The following PTPRR variants were observed in gnomAD, a reference collection of about 807,000 sequenced individuals.
PTPRR encodes the protein protein tyrosine phosphatase receptor type R.
Under a neutral mutation model 77.2 loss-of-function variants are expected in PTPRR, and 38 were observed. The observed-to-expected ratio is 0.49, with a 90% CI of 0.38 to 0.65. The LOEUF (loss-of-function observed/expected upper bound fraction) is 0.65, where lower values mean the gene tolerates loss of function less well. Among genes scored for constraint, PTPRR ranks in the 30% least tolerant of loss-of-function variants. The pLI, the probability that PTPRR is intolerant of heterozygous loss-of-function variation, is 0.00. For missense variants in PTPRR, 744 were observed against 799.2 expected, an observed-to-expected ratio of 0.93 and a Z score of 0.83; for synonymous variants, 299 against 283.1, an observed-to-expected ratio of 1.06 and a Z score of -0.57.
At chr12:70,884,148 TA>T (rs67282351) in intron 2 of PTPRR, among the ~76,000 whole-genome samples, 3 of 152,114 alleles carry the variant, frequency 2.0e-5, no homozygotes, top group Admixed American at 6.5e-5. Context: ...GTATTTTTCC[TA>T]AAAAAAGAGA....
At chr12:70,915,422 G>T (rs1043733238) in intron 1 of PTPRR, among the ~76,000 whole-genome samples, 1 of 152,160 alleles carries the variant, frequency 6.6e-6, no homozygotes, top group Admixed American at 6.5e-5. Context: ...GGAGGTGCTA[G>T]AAATATGTCA....
rs73328175 is a variant in PTPRR, at chr12:70,641,817, C to T, written c.1881-2540G>A. 4.5e-3 allele frequency among the ~76,000 whole-genome samples: 690 copies of T among 152,236 alleles called. 4 individuals carry two copies. The highest frequency in any genetic ancestry group is 0.015 in the African/African-American group (604 of 41,522). ...TGAATCTGTCCTTTCTAACTTTCAC[C>T]GCATTGGTCCAACTGAAATAACCCA... On this transcript the variant is annotated intron_variant, in intron 13 of 13. Transcript: ENST00000283228.
At chr12:70,760,797 C>T (rs543949944) in intron 4 of PTPRR, among the ~76,000 whole-genome samples, 91 of 152,126 alleles carry the variant, frequency 6.0e-4, no homozygotes, top group African/African-American at 1.8e-3. Flanking sequence ...TTGAATTACA[C>T]GTATTTAGGA....
intron 1 of PTPRR, among the ~76,000 whole-genome samples, chr12:70,920,112 G>A (rs143447442): frequency 6.6e-6 from 1 of 152,188 alleles, no homozygotes; most frequent in East Asian, 1.9e-4. Flanking sequence ...CACTATTTTC[G>A]TATAAAGTAA....
At chr12:70,917,640 C>A (rs1333867936) in intron 1 of PTPRR, among the ~76,000 whole-genome samples, 1 of 152,078 alleles carries the variant, frequency 6.6e-6, no homozygotes, top group African/African-American at 2.4e-5. Flanking sequence ...TATTATAGAC[C>A]ACAGTACTTC....
At chr12:70,841,253 T>C (rs181353515) in intron 2 of PTPRR, among the ~76,000 whole-genome samples, 1 of 152,154 alleles carries the variant, frequency 6.6e-6, no homozygotes, top group East Asian at 1.9e-4. Flanking sequence ...GAATCACCTG[T>C]GAATCAGCAA....
intron 2 of PTPRR, among the ~76,000 whole-genome samples, chr12:70,882,414 C>T (rs10506614): frequency 0.042 from 6,412 of 152,170 alleles, 455 homozygotes; most frequent in African/African-American, 0.14. Flanking sequence ...GGATATAGAA[C>T]ACCAAGAACA....
At chr12:70,732,129 C>A (rs1428104824) in intron 6 of PTPRR, among the ~76,000 whole-genome samples, 1 of 152,238 alleles carries the variant, frequency 6.6e-6, no homozygotes, top group Non-Finnish European at 1.5e-5. Flanking sequence ...TTCCTTCAGG[C>A]AAAGTGGGCC....
At chr12:70,711,129 G>A (rs1888812588) in intron 6 of PTPRR, among the ~76,000 whole-genome samples, 2 of 152,066 alleles carry the variant, frequency 1.3e-5, no homozygotes, top group Admixed American at 6.6e-5. Flanking sequence ...GCAAAGACAC[G>A]GAATCAACAT....
intron 10 of PTPRR, among the ~76,000 whole-genome samples, chr12:70,678,752 G>A (rs1592664463): frequency 6.6e-6 from 1 of 152,256 alleles, no homozygotes; most frequent in East Asian, 1.9e-4. Context: ...CATGATCTCA[G>A]CTCACTGCAA....
chr12:70,725,338 T>C (rs1325520690), intron 6 of PTPRR, among the ~76,000 whole-genome samples: 2 of 152,206 alleles, frequency 1.3e-5, no homozygotes, highest in East Asian at 1.9e-4. Flanking sequence ...GAGAATGCCC[T>C]TGGGTTGGCC....
At chr12:70,689,738 C>T (rs1242212231) in intron 8 of PTPRR, among the ~76,000 whole-genome samples, 3 of 152,148 alleles carry the variant, frequency 2.0e-5, no homozygotes, top group Non-Finnish European at 4.4e-5. Flanking sequence ...GCCCTAAAAG[C>T]TTCTTGCCAA....
chr12:70,745,705 G>A, intron 6 of PTPRR, 113 bp downstream of exon 6: 1 of 1,221,668 alleles, frequency 8.2e-7, no homozygotes, highest in Non-Finnish European at 1.1e-6. Context: ...TGTCCATTTA[G>A]TGGTGAACAA....
At chr12:70,869,781 AC>A (rs1290828412) in intron 2 of PTPRR, among the ~76,000 whole-genome samples, 9 of 152,106 alleles carry the variant, frequency 5.9e-5, no homozygotes, top group African/African-American at 2.2e-4. Context: ...AAGGCAAGGA[AC>A]CAATTTTTCC....
chr12:70,649,763 T>C (rs1234767532), intron 13 of PTPRR, among the ~76,000 whole-genome samples: 1 of 152,020 alleles, frequency 6.6e-6, no homozygotes, highest in African/African-American at 2.4e-5. Context: ...TTAGTAGAGA[T>C]GGGGTTTCAC....
chr12:70,758,420 A>G (rs1890611568), intron 4 of PTPRR, among the ~76,000 whole-genome samples: 1 of 145,436 alleles, frequency 6.9e-6, no homozygotes, highest in South Asian at 2.1e-4. Context: ...TGAGTGACTC[A>G]GTAAGTTGCT....
At chr12:70,838,984 C>T (rs1892350450) in intron 2 of PTPRR, among the ~76,000 whole-genome samples, 1 of 152,138 alleles carries the variant, frequency 6.6e-6, no homozygotes, top group African/African-American at 2.4e-5. Context: ...CTTGCTATGG[C>T]TATGTAACTA....
chr12:70,884,876 A>AAAAAAAAAAAAAG, intron 2 of PTPRR, among the ~76,000 whole-genome samples: 1 of 148,970 alleles, frequency 6.7e-6, no homozygotes, highest in Non-Finnish European at 1.5e-5. Context: ...TGTCTCAAAA[A>AAAAAAAAAAAAAG]AAAAAAAAAA....
intron 1 of PTPRR, among the ~76,000 whole-genome samples, chr12:70,898,879 A>G (rs181389110): frequency 4.6e-5 from 7 of 151,694 alleles, no homozygotes; most frequent in African/African-American, 1.7e-4. Context: ...TTCTAATATC[A>G]GAAATGAAAG....
Sources: gnomAD v4.1 joint callset for allele counts (sites outside exome capture counted in the v4.1 genomes callset) on GRCh38, gnomAD v4.1.1 for gene constraint, MANE v1.5 for transcripts, NCBI Gene and HGNC (gene_info 2026-07-23, HGNC 2026-07-21) for gene names.